Variants in ANKRD28 observed in about 807,000 individuals in gnomAD.
ANKRD28 encodes serine/threonine-protein phosphatase 6 regulatory ankyrin repeat subunit A.
ANKRD28 carries 44 observed loss-of-function variants against 126.5 expected under a neutral mutation model. The ratio of observed to expected loss-of-function variants is 0.35; its 90% CI spans 0.27 to 0.45. The LOEUF is 0.45. Ranked by LOEUF, ANKRD28 falls within the 20% of genes least tolerant of loss-of-function variation. The probability of loss-of-function intolerance (pLI) is 1.00; values close to 1 mark genes in which losing one functional copy is unlikely to be tolerated. For synonymous variants in ANKRD28, 442 were observed against 468.5 expected, an observed-to-expected ratio of 0.94 and a Z score of 0.73; for missense variants, 1,110 against 1,316.6, an observed-to-expected ratio of 0.84 and a Z score of 2.43.
chr3:15,800,906 T>C (rs2060450732), upstream of ANKRD28, among the ~76,000 whole-genome samples: 1 of 152,114 alleles, frequency 6.6e-6, no homozygotes. Flanking sequence ...TCTTCTTCTA[T>C]TGAATAAGAC....
At chr3:15,807,636 CA>C (rs1238496286) in intron 1 of ANKRD28, among the ~76,000 whole-genome samples, 3 of 152,102 alleles carry the variant, frequency 2.0e-5, no homozygotes, top group Non-Finnish European at 4.4e-5. Context: ...ACCACTAGAG[CA>C]ATGAAACTAG....
At chr3:15,754,183 A>G (rs551364154) in intron 3 of ANKRD28, among the ~76,000 whole-genome samples, 25 of 152,254 alleles carry the variant, frequency 1.6e-4, no homozygotes, top group Non-Finnish European at 2.6e-4. Flanking sequence ...AGAAATAAAT[A>G]ATTCATAAAT....
At chr3:15,712,261 A>G in intron 10 of ANKRD28, 39 bp from the exon 11 acceptor site, 1 of 1,472,508 alleles carries the variant, frequency 6.8e-7, no homozygotes, top group African/African-American at 1.4e-5. Flanking sequence ...TCATTTTAAC[A>G]CAAGAAAAAT....
At chr3:15,682,579 A>C (rs2067659019) in intron 21 of ANKRD28, among the ~76,000 whole-genome samples, 2 of 152,224 alleles carry the variant, frequency 1.3e-5, no homozygotes, top group African/African-American at 4.8e-5. Flanking sequence ...TCTGTGATTG[A>C]ATGACTATAT....
In ANKRD28 at chr3:15,690,224, G is replaced by T. The variant is rs2068617396; in HGVS notation, c.1762-4C>A. ...CTTGATGGTGACCATGATAGGCCTA[G>T]AAATAAATAAAAATGTAAATTTAAA... On this transcript the variant is annotated splice_region_variant and splice_polypyrimidine_tract_variant and intron_variant, in intron 17 of 27. Transcript: ENST00000683139. The T allele has an allele frequency of 6.4e-7, 1 of 1,563,034 alleles. No individual in the cohort carries two copies. The highest frequency in any genetic ancestry group is 8.7e-7 in the Non-Finnish European group (1 of 1,154,820).
chr3:15,686,273 A>G lies in ANKRD28; in HGVS notation c.2000T>C (p.Ile667Thr). 6.3e-7 allele frequency: 1 copy of G among 1,591,210 alleles called. No homozygotes were observed. Among genetic ancestry groups the G allele is most frequent in the Non-Finnish European group, 8.6e-7 (1 of 1,167,398 alleles). ...TGCATTCTGTGGTTCTGCATTTCCT[A>G]TTAATAGCCGTAAGCATTCTGAATG... Reference protein sequence around the residue: ...NGHSECLRLLIGNAEPQNAVD... With the variant: ...NGHSECLRLLTGNAEPQNAVD... Residue 667 changes from isoleucine (I) to threonine (T), a missense_variant, in exon 19 of 28, where the codon ATA becomes ACA. By Grantham distance (89) the Ile-to-Thr change is moderately conservative. Coordinates refer to ENST00000683139, the MANE Select transcript of ANKRD28 (RefSeq NM_001349278.2).
intron 2 of ANKRD28, among the ~76,000 whole-genome samples, chr3:15,777,781 G>T (rs1305730072): frequency 6.6e-6 from 1 of 150,594 alleles, no homozygotes; most frequent in Non-Finnish European, 1.5e-5. Flanking sequence ...TCTGTTTATG[G>T]TCTGTCAGAG....
At position 15,850,063 on chromosome 3, in the gene ANKRD28, G is replaced by C. The variant is rs146834926; in HGVS notation, c.27+9314C>G. Among the ~76,000 whole-genome samples the C allele has an allele frequency of 5.2e-4, 78 of 151,346 alleles. 1 individual carries two copies. The East Asian group carries it at 0.011, about 22-fold the overall frequency. ...ATATAGACCAATGGAACAGAACTGA[G>C]AGCCCAGAAATAAACTCCCACATTT... On this transcript the variant is annotated intron_variant, in intron 1 of 27. Coordinates refer to the ANKRD28 transcript ENST00000399451.
chr3:15,726,300 G>T (rs988924881), intron 6 of ANKRD28, among the ~76,000 whole-genome samples: 1 of 152,158 alleles, frequency 6.6e-6, no homozygotes, highest in Non-Finnish European at 1.5e-5. Context: ...GGCCTCCTGT[G>T]ACAAAGTTAC....
intron 14 of ANKRD28, among the ~76,000 whole-genome samples, chr3:15,702,101 T>A (rs2070714267): frequency 6.6e-6 from 1 of 152,238 alleles, no homozygotes; most frequent in Non-Finnish European, 1.5e-5. Flanking sequence ...TTACTCTGGG[T>A]AAGCATTATC....
intron 3 of ANKRD28, among the ~76,000 whole-genome samples, chr3:15,764,681 T>C (rs1212102417): frequency 6.6e-6 from 1 of 152,132 alleles, no homozygotes; most frequent in Non-Finnish European, 1.5e-5. Context: ...TTGGATGATG[T>C]TTGTGTAGAA....
At chr3:15,706,239 C>A (rs901022889) in intron 14 of ANKRD28, among the ~76,000 whole-genome samples, 7 of 152,020 alleles carry the variant, frequency 4.6e-5, no homozygotes, top group African/African-American at 1.7e-4. Context: ...ATCCCTCCCC[C>A]TCCTCCCCAC....
At chr3:15,753,237 G>T (rs2057965789) in intron 3 of ANKRD28, among the ~76,000 whole-genome samples, 1 of 152,212 alleles carries the variant, frequency 6.6e-6, no homozygotes, top group Non-Finnish European at 1.5e-5. Context: ...CTATCTGCCA[G>T]GCACTGTGGA....
rs137994740 is a variant in ANKRD28 at position 15,716,822 on chromosome 3, C to T, written c.997-2166G>A. Among the ~76,000 whole-genome samples, 169 of 152,260 alleles carry T rather than the reference C, an allele frequency of 1.1e-3. No individual in the cohort carries two copies. In the South Asian group the frequency reaches 0.012, roughly 11 times the overall value. On this transcript the variant is annotated intron_variant, in intron 8 of 27. Transcript: ENST00000683139. ...TTTTAAAACACTTCATATGGTCAGG[C>T]ACGGTGGCTCATATCTATAATTCCA... is the stretch of plus-strand genomic sequence containing the variant.
At chr3:15,748,289 G>C (rs1420079913) in intron 4 of ANKRD28, among the ~76,000 whole-genome samples, 3 of 152,104 alleles carry the variant, frequency 2.0e-5, no homozygotes, top group Admixed American at 6.6e-5. Context: ...CATAGGTCTT[G>C]TAAGATTTAC....
At chr3:15,693,453 G>A (rs893436299) in intron 17 of ANKRD28, among the ~76,000 whole-genome samples, 2 of 152,116 alleles carry the variant, frequency 1.3e-5, no homozygotes, top group South Asian at 4.2e-4. Flanking sequence ...GAATTTCTAA[G>A]GAAACAACAT....
intron 4 of ANKRD28, among the ~76,000 whole-genome samples, chr3:15,740,354 T>C (rs528371202): frequency 6.6e-6 from 1 of 152,282 alleles, no homozygotes; most frequent in South Asian, 2.1e-4. Context: ...AAAAAATTCA[T>C]GCATTTTAAT....
chr3:15,850,955 G>A (rs1231215789), intron 1 of ANKRD28, among the ~76,000 whole-genome samples: 2 of 152,104 alleles, frequency 1.3e-5, no homozygotes, highest in African/African-American at 4.8e-5. Context: ...AATATCTACA[G>A]GTAGACAGTG....
rs571509546 is a variant in ANKRD28 at position 15,853,217 on chromosome 3, T to C, written c.27+6160A>G. ...AGGTATTACTTTGTTACTGATTTGA[T>C]ATGATGTGAACCGCCCATAGGATAC... is the stretch of plus-strand genomic sequence containing the variant. On this transcript the variant is annotated intron_variant, in intron 1 of 27. Coordinates refer to the ANKRD28 transcript ENST00000399451. The surrounding 1 kb of genome is among the most constrained non-coding windows in gnomAD (Gnocchi z 4.2). Among the ~76,000 whole-genome samples the C allele has an allele frequency of 6.6e-6, 1 of 152,334 alleles. No individual in the cohort carries two copies. Among genetic ancestry groups the C allele is most frequent in the South Asian group, 2.1e-4 (1 of 4,830 alleles).
Sources: gnomAD v4.1 joint callset for allele counts (sites outside exome capture counted in the v4.1 genomes callset) on GRCh38, gnomAD v4.1.1 for gene constraint, Gnocchi (gnomAD v3.1) non-coding constraint, MANE v1.5 for transcripts, NCBI Gene and HGNC (gene_info 2026-07-23, HGNC 2026-07-21) for gene names.